The following KPNA7 variants were observed in gnomAD, a reference collection of about 807,000 sequenced individuals.
The protein encoded by KPNA7 is karyopherin subunit alpha 7.
KPNA7 carries 54 observed loss-of-function variants against 53.7 expected under a neutral mutation model. The ratio of observed to expected loss-of-function variants is 1.01; its 90% CI spans 0.81 to 1.26. The LOEUF is 1.26. Ranked by LOEUF, KPNA7 falls within the 50% of genes most tolerant of loss-of-function variation. The pLI is 0.00. For missense variants in KPNA7, 640 were observed against 644.5 expected, an observed-to-expected ratio of 0.99 and a Z score of 0.07; for synonymous variants, 276 against 259.3, an observed-to-expected ratio of 1.06 and a Z score of -0.62.
At position 99,185,088 on chromosome 7, in the gene KPNA7, A is replaced by G. The variant is rs1242412449; in HGVS notation, c.975T>C (p.Gly325=). Residue 325 remains glycine, a synonymous_variant, in exon 8 of 11, where the codon GGT becomes GGC. Transcript: ENST00000327442. ...GGAGCTGGGGGAGCACGTTCAGCATACCCGCATCAATGGCCATCTGCGTCT... is the reference window on the plus strand; with the variant it reads ...GGAGCTGGGGGAGCACGTTCAGCATGCCCGCATCAATGGCCATCTGCGTCT... ...DEQTQMAIDA[G]MLNVLPQLLQ... The G allele has an allele frequency of 6.4e-7, 1 of 1,551,752 alleles. No homozygotes were observed. The highest frequency in any genetic ancestry group is 2.0e-5 in the Admixed American group (1 of 50,946).
intron 9 of KPNA7, among the ~76,000 whole-genome samples, chr7:99,179,291 C>G (rs148184653): frequency 6.6e-6 from 1 of 151,954 alleles, no homozygotes; most frequent in Non-Finnish European, 1.5e-5. Flanking sequence ...ACACAGTGGC[C>G]CATTCCTGTA....
intron 7 of KPNA7, 25 bp downstream of exon 7, chr7:99,188,275 C>T: frequency 6.5e-7 from 1 of 1,542,712 alleles, no homozygotes; most frequent in Non-Finnish European, 8.8e-7. Flanking sequence ...GGACTCGAAT[C>T]CACAGGGCCC....
At chr7:99,161,404 T>C in the KPNA7 span, among the ~76,000 whole-genome samples, 1 of 152,118 alleles carries the variant, frequency 6.6e-6, no homozygotes, top group Non-Finnish European at 1.5e-5. Context: ...AACTACCACA[T>C]ACTACCATTG....
intron 10 of KPNA7, among the ~76,000 whole-genome samples, chr7:99,176,297 C>CCAA (rs1798899404): frequency 1.7e-5 from 1 of 57,146 alleles, no homozygotes; most frequent in Non-Finnish European, 3.8e-5. Context: ...GACTACGTCT[C>CCAA]AAAAAAAAAA....
At position 99,203,911 on chromosome 7, in the gene KPNA7, A is replaced by G. The variant is rs528324307; in HGVS notation, c.67-671T>C. Among the ~76,000 whole-genome samples, 105 of 152,146 alleles carry G rather than the reference A, an allele frequency of 6.9e-4. 2 individuals carry two copies. The highest frequency in any genetic ancestry group is 4.2e-3 in the South Asian group (20 of 4,812). Reference sequence around the variant, plus strand: ...TTTTTAGTAGAGATGGGGTTTCTCCATGTTGGCCAGGCTGCTCTTGAATTC... The same window carrying G: ...TTTTTAGTAGAGATGGGGTTTCTCCGTGTTGGCCAGGCTGCTCTTGAATTC... On this transcript the variant is annotated intron_variant, in intron 2 of 10. Transcript: ENST00000327442.
intron 3 of KPNA7, among the ~76,000 whole-genome samples, chr7:99,202,085 G>T (rs1477266583): frequency 6.6e-6 from 1 of 152,066 alleles, no homozygotes; most frequent in Non-Finnish European, 1.5e-5. Context: ...GCTAACTAGA[G>T]ATATAGTTTG....
rs1584296668 is a variant in KPNA7, at chr7:99,195,075, A to G, written c.548T>C (p.Ile183Thr). 4.5e-6 allele frequency: 7 copies of G among 1,551,412 alleles called. No individual in the cohort carries two copies. The highest frequency in any genetic ancestry group is 2.4e-5 in the East Asian group (1 of 40,894). Residue 183 changes from isoleucine to threonine, a missense_variant, in exon 5 of 11, where the codon ATA (isoleucine) becomes ACA (threonine). Physicochemically the swap from Ile to Thr is moderately conservative, Grantham distance 89 (BLOSUM62 -1). Coordinates refer to ENST00000327442, the MANE Select transcript of KPNA7 (RefSeq NM_001145715.3). Reference protein sequence around the residue: ...CEQAVWALGNIAGDGPEFRDN... With the variant: ...CEQAVWALGNTAGDGPEFRDN... The stretch of plus-strand genomic sequence containing the variant: ...CACTAAGGGGAGAGTCTCACCGGCT[A>G]TATTACCAAGAGCCCACACTGCCTG...
intron 1 of KPNA7, among the ~76,000 whole-genome samples, chr7:99,215,260 T>C (rs1034618768): frequency 7.4e-5 from 11 of 149,106 alleles, no homozygotes; most frequent in Admixed American, 5.5e-4. Context: ...TAATCTCAGC[T>C]ACTCGGGAGG....
chr7:99,161,897 TC>T, the KPNA7 span, among the ~76,000 whole-genome samples: 6 of 152,174 alleles, frequency 3.9e-5, no homozygotes, highest in Non-Finnish European at 8.8e-5. Context: ...ACCCCAGGGC[TC>T]ATGGCTCCAA....
chr7:99,203,647 G>A (rs1366038716), intron 2 of KPNA7, among the ~76,000 whole-genome samples: 5 of 151,964 alleles, frequency 3.3e-5, no homozygotes, highest in African/African-American at 4.8e-5. Context: ...TGTTGGGGAC[G>A]ATTAGGGGAC....
intron 5 of KPNA7, 136 bp from the exon 6 acceptor site, chr7:99,193,237 A>G (rs972998608): frequency 1.9e-6 from 1 of 524,888 alleles, no homozygotes; most frequent in African/African-American, 2.0e-5. Flanking sequence ...TAGTAGAGCC[A>G]CGTACTAAAT....
chr7:99,199,915 G>A lies in KPNA7; in HGVS notation c.201+3191C>T, dbSNP rs549360617. Among the ~76,000 whole-genome samples, 5 of 151,612 alleles carry A rather than the reference G, an allele frequency of 3.3e-5. No homozygotes were observed. The South Asian group carries it at 6.2e-4, about 19-fold the overall frequency. ...TTATTTGACTTAAAAATGGACAAAG[G>A]GCTGGAATTTTTTTTTTGGTGGGGG... On this transcript the variant is annotated intron_variant, in intron 3 of 10. Coordinates refer to ENST00000327442, the MANE Select transcript of KPNA7 (RefSeq NM_001145715.3).
At chr7:99,216,984 T>C (rs765988871) in intron 1 of KPNA7, among the ~76,000 whole-genome samples, 12 of 152,198 alleles carry the variant, frequency 7.9e-5, no homozygotes, top group Non-Finnish European at 1.3e-4. Flanking sequence ...TTCTATACTT[T>C]TCTAGATCTA....
In KPNA7 at chr7:99,199,342, G is replaced by A. The variant is rs761571452; in HGVS notation, c.202-3176C>T. On this transcript the variant is annotated intron_variant, in intron 3 of 10. Transcript: ENST00000327442. The stretch of plus-strand genomic sequence containing the variant: ...GCTGGAAGACTCACTTCCCAATTTC[G>A]AAACTTACCACAAAGCTACAGTAAT... 4.6e-5 allele frequency among the ~76,000 whole-genome samples: 7 copies of A among 151,968 alleles called. No homozygotes were observed. In the East Asian group the frequency reaches 5.8e-4, roughly 13 times the overall value.
chr7:99,198,950 C>T (rs536218241), intron 3 of KPNA7, among the ~76,000 whole-genome samples: 1 of 150,730 alleles, frequency 6.6e-6, no homozygotes. Flanking sequence ...TGTATCTTTA[C>T]ATGCTAGCAG....
At chr7:99,192,890 A>G (rs1790027269) in intron 6 of KPNA7, 129 bp downstream of exon 6, 1 of 584,822 alleles carries the variant, frequency 1.7e-6, no homozygotes, top group Admixed American at 3.4e-5. Flanking sequence ...GAACTTTGAG[A>G]GGTAGGAGGA....
Position 99,174,572 on chromosome 7 carries a change from T to A in KPNA7, c.1465-778A>T, listed in dbSNP as rs368133327. 2.0e-5 allele frequency among the ~76,000 whole-genome samples: 3 copies of A among 152,192 alleles called. No homozygotes were observed. In the East Asian group the frequency reaches 5.8e-4, roughly 29 times the overall value. On this transcript the variant is annotated intron_variant, in intron 10 of 10. Coordinates refer to ENST00000327442, the MANE Select transcript of KPNA7 (RefSeq NM_001145715.3). ...CCACCCAGCACCTGGCAACCACCAT[T>A]CTACTTTGTCTCTACAGATTTGATG...
chr7:99,150,415 A>T, the KPNA7 span, among the ~76,000 whole-genome samples: 10 of 31,812 alleles, frequency 3.1e-4, no homozygotes, highest in Admixed American at 4.5e-4. Context: ...TTCATGAATC[A>T]TTCTTCTCTT....
chr7:99,182,752 C>T (rs1789333408), intron 8 of KPNA7, among the ~76,000 whole-genome samples: 1 of 152,072 alleles, frequency 6.6e-6, no homozygotes, highest in Non-Finnish European at 1.5e-5. Context: ...CCACATCAGG[C>T]CACAGGGAAA....
Sources: allele counts gnomAD v4.1 joint callset (sites outside exome capture counted in the v4.1 genomes callset), GRCh38; gene constraint gnomAD v4.1.1; transcripts MANE v1.5; gene names NCBI Gene and HGNC (gene_info 2026-07-23, HGNC 2026-07-21).